The following CADPS variants were observed in gnomAD, a reference collection of about 807,000 sequenced individuals.
CADPS encodes calcium dependent secretion activator.
A neutral mutation model predicts 167.3 loss-of-function variants in CADPS; 57 were observed. The ratio of observed to expected loss-of-function variants is 0.34; its 90% confidence interval spans 0.28 to 0.42. The LOEUF (loss-of-function observed/expected upper bound fraction) is 0.42, where lower values mean the gene tolerates loss of function less well. CADPS is among the 20% of genes least tolerant of loss of function. The pLI, the probability that CADPS is intolerant of heterozygous loss-of-function variation, is 1.00. For synonymous variants in CADPS, 676 were observed against 635.3 expected (o/e 1.06, Z -0.96); for missense variants, 1,414 against 1,738.1 (o/e 0.81, Z 3.32).
At chr3:62,687,036 A>G (rs2078174622) in intron 3 of CADPS, among the ~76,000 whole-genome samples, 1 of 152,164 alleles carries the variant, frequency 6.6e-6, no homozygotes, top group Non-Finnish European at 1.5e-5. Flanking sequence ...CATCTGCAGC[A>G]GCTGTAGCAA....
chr3:62,645,638 C>A, intron 6 of CADPS, 84 bp downstream of exon 6: 1 of 1,447,932 alleles, frequency 6.9e-7, no homozygotes, highest in Non-Finnish European at 9.5e-7. Context: ...TCTGGGGAAA[C>A]CAGATCTTTA....
chr3:62,701,704 CACTGCCTCAGG>C (rs1278832618), intron 3 of CADPS, among the ~76,000 whole-genome samples: 1 of 151,714 alleles, frequency 6.6e-6, no homozygotes, highest in South Asian at 2.1e-4. Flanking sequence ...CACCTGTAGG[CACTGCCTCAGG>C]GCACAGATGT....
rs55665003 is a variant in CADPS at position 62,648,691 on chromosome 3, C to CAAAAAA, written c.1203+2150_1203+2155dup. 6.0e-3 allele frequency among the ~76,000 whole-genome samples: 330 copies of CAAAAAA among 54,552 alleles called. 24 individuals are homozygous for CAAAAAA. Among genetic ancestry groups the CAAAAAA allele is most frequent in the African/African-American group, 0.014 (237 of 16,750 alleles). 35.8% of individuals were successfully genotyped at this position (54,552 alleles called of 152,430 possible). A position where few individuals can be genotyped will look rare whatever the true frequency, so the allele number is the denominator to read the frequency against. ...TGGGCAACAGAGTGAGACGTTGTGT[C>CAAAAAA]AAAAAAAAAAAAAAGAGGAAAGAAA... On this transcript the variant is annotated intron_variant, in intron 5 of 29. Coordinates refer to ENST00000383710, the MANE Select transcript of CADPS (RefSeq NM_003716.4).
chr3:62,797,900 CAT>C (rs1242126915), intron 1 of CADPS, among the ~76,000 whole-genome samples: 1 of 152,074 alleles, frequency 6.6e-6, no homozygotes, highest in South Asian at 2.1e-4. Flanking sequence ...AAAAATGTAA[CAT>C]ATATATTTTT....
intron 21 of CADPS, among the ~76,000 whole-genome samples, chr3:62,485,176 T>A (rs1200803038): frequency 6.6e-6 from 1 of 151,972 alleles, no homozygotes; most frequent in Non-Finnish European, 1.5e-5. Context: ...CCCACCTGAG[T>A]CAATTTTCTC....
At chr3:62,706,851 G>C (rs1486382943) in intron 3 of CADPS, among the ~76,000 whole-genome samples, 1 of 152,050 alleles carries the variant, frequency 6.6e-6, no homozygotes, top group African/African-American at 2.4e-5. Flanking sequence ...GACTCAGAAG[G>C]GTGGAAGCGG....
intron 6 of CADPS, among the ~76,000 whole-genome samples, chr3:62,633,975 A>G (rs2065787634): frequency 6.6e-6 from 1 of 152,224 alleles, no homozygotes; most frequent in South Asian, 2.1e-4. Context: ...CACTTAGGAC[A>G]GACGGCAAAT....
chr3:62,445,746 AC>A lies in CADPS; in HGVS notation c.3669+18del. ...AAAAAACAAAAAAACCCCATGAGAA[AC>A]AATTTTCAAATACTCACAGGTACAT... On this transcript the variant is annotated intron_variant, in intron 27 of 29. Transcript: ENST00000383710. 6.6e-7 allele frequency: 1 copy of A among 1,522,246 alleles called. No individual in the cohort carries two copies. The highest frequency in any genetic ancestry group is 8.8e-7 in the Non-Finnish European group (1 of 1,136,880). 94.3% of individuals were successfully genotyped at this position (1,522,246 alleles called of 1,614,324 possible). A position where few individuals can be genotyped will look rare whatever the true frequency, so the allele number is the denominator to read the frequency against.
chr3:62,640,287 TAAG>T (rs1424724289), intron 6 of CADPS, among the ~76,000 whole-genome samples: 1 of 152,144 alleles, frequency 6.6e-6, no homozygotes, highest in Admixed American at 6.6e-5. Context: ...GAAGCACCAT[TAAG>T]AAGATAATAC....
chr3:62,624,472 T>C (rs2063682360), intron 6 of CADPS, among the ~76,000 whole-genome samples: 1 of 152,112 alleles, frequency 6.6e-6, no homozygotes, highest in Non-Finnish European at 1.5e-5. Flanking sequence ...AAAGAACCAT[T>C]TAAACTAGGG....
chr3:62,696,426 C>G lies in CADPS; in HGVS notation c.889-34032G>C, dbSNP rs1911185. Among the ~76,000 whole-genome samples, 1,094 of 152,162 alleles carry G rather than the reference C, an allele frequency of 7.2e-3. 26 individuals are homozygous for G. Among genetic ancestry groups the G allele is most frequent in the African/African-American group, 0.025 (1,024 of 41,488 alleles). Reference sequence around the variant, plus strand: ...ACACCCTCTTTGCACCTCATTGCATCCCTGCCTCAGAAGTCTGCATATTAG... The same window carrying G: ...ACACCCTCTTTGCACCTCATTGCATGCCTGCCTCAGAAGTCTGCATATTAG... On this transcript the variant is annotated intron_variant, in intron 3 of 29. Transcript: ENST00000383710.
At chr3:62,872,347 A>G (rs1213592050) in intron 1 of CADPS, among the ~76,000 whole-genome samples, 1 of 152,196 alleles carries the variant, frequency 6.6e-6, no homozygotes, top group African/African-American at 2.4e-5. Context: ...ACCTCTAGAA[A>G]GGCATTAAAA....
intron 12 of CADPS, 136 bp from the exon 13 acceptor site, chr3:62,533,194 A>C: frequency 1.5e-6 from 1 of 686,318 alleles, no homozygotes; most frequent in Non-Finnish European, 2.5e-6. Context: ...ATTATGTGCC[A>C]GCCACTGTGC....
intron 3 of CADPS, among the ~76,000 whole-genome samples, chr3:62,683,959 C>T (rs917871019): frequency 1.4e-4 from 21 of 151,992 alleles, no homozygotes; most frequent in African/African-American, 4.4e-4. Flanking sequence ...TGATAGCAAA[C>T]CTGATCACCT....
intron 1 of CADPS, among the ~76,000 whole-genome samples, chr3:62,872,123 CCT>C (rs1491379986): frequency 1.0e-4 from 9 of 90,122 alleles, no homozygotes; most frequent in African/African-American, 3.2e-4. Context: ...CTACATTTTT[CCT>C]CTTTTTCTAG....
intron 10 of CADPS, 143 bp downstream of exon 10, chr3:62,557,262 G>A (rs2078325643): frequency 1.6e-6 from 1 of 633,532 alleles, no homozygotes; most frequent in African/African-American, 1.8e-5. Flanking sequence ...ATCAGGGATT[G>A]TGACTGTCAT....
At chr3:62,637,407 T>G (rs1178262253) in intron 6 of CADPS, among the ~76,000 whole-genome samples, 1 of 152,218 alleles carries the variant, frequency 6.6e-6, no homozygotes, top group Non-Finnish European at 1.5e-5. Flanking sequence ...ATGATCATTA[T>G]CATTAGTGTC....
intron 1 of CADPS, among the ~76,000 whole-genome samples, chr3:62,845,299 C>A (rs1238450105): frequency 6.6e-6 from 1 of 152,054 alleles, no homozygotes; most frequent in East Asian, 1.9e-4. Context: ...CACGATTTTC[C>A]CCAGATAGAA....
At chr3:62,687,908 C>T (rs2078384456) in intron 3 of CADPS, among the ~76,000 whole-genome samples, 1 of 151,924 alleles carries the variant, frequency 6.6e-6, no homozygotes, top group East Asian at 1.9e-4. Flanking sequence ...ACCCATTTTA[C>T]AGCTGAGGAA....
Sources: allele counts gnomAD v4.1 joint callset (sites outside exome capture counted in the v4.1 genomes callset), GRCh38; gene constraint gnomAD v4.1.1; transcripts MANE v1.5; gene names NCBI Gene and HGNC (gene_info 2026-07-23, HGNC 2026-07-21).